LRRC28: variants seen among roughly 807,000 people sequenced by gnomAD.
LRRC28 encodes leucine-rich repeat-containing protein 28.
LRRC28 carries 39 observed loss-of-function variants against 45.7 expected under a neutral mutation model. The observed-to-expected ratio is 0.85, with a 90% confidence interval of 0.66 to 1.12. The LOEUF (loss-of-function observed/expected upper bound fraction) is 1.12. Ranked by LOEUF, LRRC28 falls within the 50% of genes most tolerant of loss-of-function variation. The probability of loss-of-function intolerance (pLI) is 0.00; values close to 1 mark genes in which losing one functional copy is unlikely to be tolerated. For synonymous variants in LRRC28, 206 were observed against 178.8 expected (o/e 1.15, Z -1.22); for missense variants, 435 against 438.5 (o/e 0.99, Z 0.07).
chr15:99,303,920 A>T (rs1955080781), intron 5 of LRRC28, among the ~76,000 whole-genome samples: 1 of 152,044 alleles, frequency 6.6e-6, no homozygotes, highest in African/African-American at 2.4e-5. Context: ...CCCCCACTGG[A>T]TGTAATTTAT....
chr15:99,353,214 T>C (rs1045166186), intron 7 of LRRC28, among the ~76,000 whole-genome samples: 6 of 152,096 alleles, frequency 3.9e-5, no homozygotes, highest in South Asian at 2.1e-4. Context: ...CCTTCCCCAC[T>C]TCAGCAGCCA....
chr15:99,288,371 C>CTTT (rs67593137), intron 5 of LRRC28, among the ~76,000 whole-genome samples: 2,168 of 82,826 alleles, frequency 0.026, 191 homozygotes, highest in Non-Finnish European at 0.037. Flanking sequence ...TGTACATTAA[C>CTTT]TTTTTTTTTT....
intron 6 of LRRC28, among the ~76,000 whole-genome samples, chr15:99,349,977 A>G (rs1014353804): frequency 2.6e-5 from 4 of 151,188 alleles, no homozygotes; most frequent in African/African-American, 9.7e-5. Context: ...TCTACTAAAA[A>G]TACAAAAAAT....
chr15:99,343,261 A>G (rs920541833), intron 6 of LRRC28, among the ~76,000 whole-genome samples: 2 of 152,222 alleles, frequency 1.3e-5, no homozygotes, highest in African/African-American at 4.8e-5. Context: ...TTTTGATAAA[A>G]TAAATGAATT....
intron 5 of LRRC28, among the ~76,000 whole-genome samples, chr15:99,293,508 G>T (rs995852963): frequency 1.4e-5 from 2 of 141,330 alleles, no homozygotes; most frequent in East Asian, 2.1e-4. Context: ...CAGGAGAATC[G>T]CTTGAACACA....
chr15:99,269,697 C>T (rs542345330), intron 2 of LRRC28, among the ~76,000 whole-genome samples: 3 of 152,290 alleles, frequency 2.0e-5, no homozygotes, highest in East Asian at 3.9e-4. Flanking sequence ...GCTACCATGC[C>T]TGGCCTTAAC....
At chr15:99,332,605 G>A (rs934394363) in intron 5 of LRRC28, among the ~76,000 whole-genome samples, 3 of 152,064 alleles carry the variant, frequency 2.0e-5, no homozygotes, top group Non-Finnish European at 2.9e-5. Context: ...CATGTTCTTT[G>A]TCTTTATTGT....
chr15:99,362,680 T>G (rs1957236288), intron 8 of LRRC28, among the ~76,000 whole-genome samples: 1 of 152,218 alleles, frequency 6.6e-6, no homozygotes, highest in South Asian at 2.1e-4. Context: ...TTAGCCTTGG[T>G]GGAGGATTGA....
chr15:99,265,769 A>G (rs897450440), intron 2 of LRRC28, among the ~76,000 whole-genome samples: 8 of 152,206 alleles, frequency 5.3e-5, no homozygotes, highest in Middle Eastern at 3.2e-3. Flanking sequence ...TCAAAGTCCT[A>G]TGGCTTAACC....
chr15:99,375,076 TTAAGTA>T (rs1234059584), intron 9 of LRRC28, among the ~76,000 whole-genome samples: 3 of 152,220 alleles, frequency 2.0e-5, no homozygotes, highest in Non-Finnish European at 4.4e-5. Context: ...TTTTAATCTG[TTAAGTA>T]TAATGTGTTA....
chr15:99,340,481 T>G (rs2152302847), intron 6 of LRRC28, among the ~76,000 whole-genome samples: 1 of 152,364 alleles, frequency 6.6e-6, no homozygotes, highest in East Asian at 1.9e-4. Context: ...CTATTTAAAC[T>G]TCAATCAACT....
intron 5 of LRRC28, among the ~76,000 whole-genome samples, chr15:99,317,707 T>G (rs1955646346): frequency 6.6e-6 from 1 of 152,132 alleles, no homozygotes; most frequent in South Asian, 2.1e-4. Context: ...TATAGGAGAG[T>G]AGAACATAAA....
intron 9 of LRRC28, chr15:99,384,635 G>A (rs1243999770): frequency 6.6e-6 from 1 of 152,118 alleles, no homozygotes; most frequent in Non-Finnish European, 1.5e-5. Flanking sequence ...CCACAAACTT[G>A]GAATCACCGT....
At chr15:99,340,562 T>C (rs1956473624) in intron 6 of LRRC28, among the ~76,000 whole-genome samples, 1 of 152,256 alleles carries the variant, frequency 6.6e-6, no homozygotes, top group African/African-American at 2.4e-5. Flanking sequence ...AACTGTACTG[T>C]ACTGAACTGT....
chr15:99,368,653 A>G (rs1482292041), intron 9 of LRRC28, among the ~76,000 whole-genome samples: 1 of 152,234 alleles, frequency 6.6e-6, no homozygotes. Flanking sequence ...GAAGTCTGAC[A>G]GCATTTCTTC....
chr15:99,302,700 T>C (rs1354589144), intron 5 of LRRC28, among the ~76,000 whole-genome samples: 1 of 152,220 alleles, frequency 6.6e-6, no homozygotes, highest in Admixed American at 6.5e-5. Context: ...TGCAAAAAGT[T>C]CCCTGGTGCC....
At chr15:99,308,565 C>T (rs12440060) in intron 5 of LRRC28, among the ~76,000 whole-genome samples, 26 of 152,118 alleles carry the variant, frequency 1.7e-4, no homozygotes, top group African/African-American at 2.6e-4. Flanking sequence ...CCAACTGCTT[C>T]GGAGGCTGAG....
chr15:99,341,127 GT>G (rs1956495329), intron 6 of LRRC28, among the ~76,000 whole-genome samples: 2 of 122,308 alleles, frequency 1.6e-5, no homozygotes, highest in Non-Finnish European at 1.6e-5. Flanking sequence ...GTCTCGCTCT[GT>G]CACCCAGGCT....
chr15:99,285,484 C>T, intron 3 of LRRC28: 9 of 953,748 alleles, frequency 9.4e-6, no homozygotes, highest in Non-Finnish European at 1.3e-5. Context: ...CTCAGAGTGA[C>T]TCCTCAGGCT....
Sources: gnomAD v4.1 joint callset for allele counts (sites outside exome capture counted in the v4.1 genomes callset) on GRCh38, gnomAD v4.1.1 for gene constraint, MANE v1.5 for transcripts, NCBI Gene and HGNC (gene_info 2026-07-23, HGNC 2026-07-21) for gene names.